The following IMMP2L variants were observed in gnomAD, a reference collection of about 807,000 sequenced individuals.
The protein encoded by IMMP2L is inner mitochondrial membrane peptidase subunit 2.
A neutral mutation model predicts 19.3 loss-of-function variants in IMMP2L; 18 were observed. The ratio of observed to expected loss-of-function variants is 0.93; its 90% CI spans 0.64 to 1.38. IMMP2L has a LOEUF of 1.38. Ranked by LOEUF, IMMP2L falls within the 40% of genes most tolerant of loss-of-function variation. The pLI is 0.00. For missense variants in IMMP2L, 233 were observed against 218.2 expected (o/e 1.07, Z -0.43); for synonymous variants, 76 against 73.0 (o/e 1.04, Z -0.21).
chr7:111,482,890 A>G (rs1403993521), intron 3 of IMMP2L, among the ~76,000 whole-genome samples: 3 of 152,162 alleles, frequency 2.0e-5, no homozygotes, highest in African/African-American at 7.2e-5. Context: ...GTACCCTTCA[A>G]AAGTGTCAAT....
chr7:111,027,711 GTATCTAC>G (rs1318205876), intron 3 of IMMP2L, among the ~76,000 whole-genome samples: 6 of 151,970 alleles, frequency 3.9e-5, no homozygotes, highest in African/African-American at 1.5e-4. Flanking sequence ...AGATTATTGA[GTATCTAC>G]TATGTACAGG....
At chr7:110,675,152 A>C (rs2130380321) in intron 5 of IMMP2L, among the ~76,000 whole-genome samples, 1 of 152,296 alleles carries the variant, frequency 6.6e-6, no homozygotes, top group South Asian at 2.1e-4. Flanking sequence ...CACAGCTATC[A>C]TCCAGTGTTT....
At chr7:110,947,540 T>C (rs1018015876) in intron 4 of IMMP2L, among the ~76,000 whole-genome samples, 12 of 152,200 alleles carry the variant, frequency 7.9e-5, no homozygotes, top group Non-Finnish European at 1.3e-4. Flanking sequence ...AATCTGTTCA[T>C]TGGTCTCCTC....
At chr7:110,880,982 A>G (rs1284733129) in intron 5 of IMMP2L, among the ~76,000 whole-genome samples, 2 of 152,124 alleles carry the variant, frequency 1.3e-5, no homozygotes, top group African/African-American at 4.8e-5. Flanking sequence ...ATGGAAGCTA[A>G]GACTGCCTCT....
chr7:110,967,998 T>C (rs1819730711), intron 3 of IMMP2L, among the ~76,000 whole-genome samples: 1 of 152,070 alleles, frequency 6.6e-6, no homozygotes, highest in Admixed American at 6.6e-5. Context: ...TCTTTTAATA[T>C]TGCCCATTCT....
In IMMP2L at chr7:111,240,087, A is replaced by G. The variant is rs756629646; in HGVS notation, c.239+247151T>C. Among the ~76,000 whole-genome samples, 25 of 152,040 alleles carry G rather than the reference A, an allele frequency of 1.6e-4. 1 individual carries two copies. The highest frequency in any genetic ancestry group is 4.1e-4 in the South Asian group (2 of 4,820). ...TCCTCATTTGTACAATCAAAATTCA[A>G]TTTGAATAGAGTTTTAGTAGCAGCT... On this transcript the variant is annotated intron_variant, in intron 3 of 5. Coordinates refer to ENST00000405709, the MANE Select transcript of IMMP2L (RefSeq NM_032549.4).
intron 3 of IMMP2L, among the ~76,000 whole-genome samples, chr7:111,081,851 G>A (rs758174694): frequency 6.6e-6 from 1 of 152,160 alleles, no homozygotes. Flanking sequence ...AACAGGGAGA[G>A]GGATGATAAA....
At chr7:111,412,896 T>C (rs894959276) in intron 3 of IMMP2L, among the ~76,000 whole-genome samples, 2 of 151,164 alleles carry the variant, frequency 1.3e-5, no homozygotes, top group African/African-American at 2.4e-5. Context: ...TCAAAGTACA[T>C]AGAAGGGAAG....
chr7:110,825,757 C>T, intron 5 of IMMP2L, among the ~76,000 whole-genome samples: 1 of 152,076 alleles, frequency 6.6e-6, no homozygotes, highest in Non-Finnish European at 1.5e-5. Flanking sequence ...TAGGCAATAC[C>T]ATTCAGGACA....
chr7:110,714,698 G>C (rs1795125003), intron 5 of IMMP2L, among the ~76,000 whole-genome samples: 1 of 152,152 alleles, frequency 6.6e-6, no homozygotes, highest in Admixed American at 6.5e-5. Flanking sequence ...CCAGGCTCAA[G>C]CGATTCTCCT....
chr7:110,876,547 A>C (rs569172008), intron 5 of IMMP2L, among the ~76,000 whole-genome samples: 1 of 152,230 alleles, frequency 6.6e-6, no homozygotes, highest in African/African-American at 2.4e-5. Flanking sequence ...GATAAGCATG[A>C]AGTTAGTTCA....
At chr7:111,550,436 T>C (rs1849344361) in intron 1 of IMMP2L, among the ~76,000 whole-genome samples, 1 of 152,154 alleles carries the variant, frequency 6.6e-6, no homozygotes. Flanking sequence ...AACCCTAATG[T>C]AAACAATGAA....
At chr7:111,291,404 AC>A (rs1188276668) in intron 3 of IMMP2L, among the ~76,000 whole-genome samples, 1 of 152,154 alleles carries the variant, frequency 6.6e-6, no homozygotes, top group African/African-American at 2.4e-5. Context: ...CCTAATTACA[AC>A]ATTAAAATAC....
chr7:111,504,516 C>G (rs36198592), intron 2 of IMMP2L, among the ~76,000 whole-genome samples: 65,154 of 151,194 alleles, frequency 0.43, 14,337 homozygotes, highest in Non-Finnish European at 0.49. Context: ...ATCACCAAGT[C>G]AATCCTAAGC....
chr7:110,925,277 C>T (rs993686392), intron 4 of IMMP2L, among the ~76,000 whole-genome samples: 23 of 152,012 alleles, frequency 1.5e-4, no homozygotes, highest in African/African-American at 2.4e-4. Flanking sequence ...TCTAACTTCA[C>T]GAGTATGGCC....
rs537251392 is a variant in IMMP2L at position 111,212,034 on chromosome 7, T to C, written c.240-248469A>G. Among the ~76,000 whole-genome samples, 3 of 152,212 alleles carry C rather than the reference T, an allele frequency of 2.0e-5. No homozygotes were observed. The East Asian group carries it at 5.8e-4, about 30-fold the overall frequency. ...AAGAAGATTGAAATCCTGTTTAATG[T>C]TGCTCTTCTCTTTCTATACTATAAA... On this transcript the variant is annotated intron_variant, in intron 3 of 5. Coordinates refer to ENST00000405709, the MANE Select transcript of IMMP2L (RefSeq NM_032549.4).
Position 110,757,412 on chromosome 7 carries a change from G to A in IMMP2L, c.409-93691C>T, listed in dbSNP as rs529627735. ...GGTTGTAATTTTAAATACGGTGGGC[G>A]AGGGAGGCCTGTATGTGATGTCTTT... On this transcript the variant is annotated intron_variant, in intron 5 of 5. Transcript: ENST00000405709. This position sits in a 1 kb window ranked among gnomAD's most constrained non-coding sequence, Gnocchi z 4.2. Among the ~76,000 whole-genome samples the A allele has an allele frequency of 1.8e-4, 27 of 152,206 alleles. No homozygotes were observed. The East Asian group carries it at 2.3e-3, about 13-fold the overall frequency.
At chr7:110,927,080 A>G (rs957857406) in intron 4 of IMMP2L, among the ~76,000 whole-genome samples, 4 of 152,080 alleles carry the variant, frequency 2.6e-5, no homozygotes, top group African/African-American at 4.8e-5. Context: ...AAAACAACAC[A>G]GATTCTATTT....
intron 5 of IMMP2L, among the ~76,000 whole-genome samples, chr7:110,759,506 A>C (rs1340122052): frequency 6.6e-6 from 1 of 152,182 alleles, no homozygotes; most frequent in Non-Finnish European, 1.5e-5. Context: ...TGTTCATGAG[A>C]AAAGGAGGTT....
Sources: allele counts gnomAD v4.1 joint callset (sites outside exome capture counted in the v4.1 genomes callset), GRCh38; gene constraint gnomAD v4.1.1; non-coding constraint Gnocchi (gnomAD v3.1); transcripts MANE v1.5; gene names NCBI Gene and HGNC (gene_info 2026-07-23, HGNC 2026-07-21).